TFRC: variants seen among roughly 807,000 people sequenced by gnomAD.
TFRC encodes the protein transferrin receptor protein 1.
TFRC carries 35 observed loss-of-function variants against 85.8 expected under a neutral mutation model. The observed-to-expected ratio is 0.41, with a 90% CI of 0.31 to 0.54. The LOEUF (loss-of-function observed/expected upper bound fraction) is 0.54. TFRC is among the 20% of genes least tolerant of loss of function. TFRC has a pLI of 0.31. For missense variants in TFRC, 828 were observed against 921.5 expected, an observed-to-expected ratio of 0.90 and a Z score of 1.31; for synonymous variants, 362 against 328.6, an observed-to-expected ratio of 1.10 and a Z score of -1.10.
intron 1 of TFRC, among the ~76,000 whole-genome samples, chr3:196,079,294 T>A (rs1225294580): frequency 6.6e-6 from 1 of 152,228 alleles, no homozygotes; most frequent in Non-Finnish European, 1.5e-5. Context: ...CAAGTTTTCT[T>A]GTTTTAAATT....
Position 196,065,463 on chromosome 3 carries a change from A to G in TFRC, c.1178T>C (p.Ile393Thr), listed in dbSNP as rs777481027. 2.0e-6 allele frequency: 3 copies of G among 1,495,500 alleles called. No homozygotes were observed. Among genetic ancestry groups the G allele is most frequent in the Middle Eastern group, 1.8e-4 (1 of 5,500 alleles). 92.6% of individuals were successfully genotyped at this position (1,495,500 alleles called of 1,614,324 possible). The change falls in exon 10 of 19, where the codon ATT becomes ACT. Residue 393 changes from isoleucine (I) to threonine (T), a missense_variant. Physicochemically the swap from Ile to Thr is moderately conservative, Grantham distance 89 (BLOSUM62 -1). Coordinates refer to ENST00000360110, the MANE Select transcript of TFRC (RefSeq NM_001128148.3). Reference sequence around the variant, plus strand: ...TTTACCTGGTTCTACAAAGCCTTTAATAACTCCAAAGATGTTAAGAATTTT... The same window carrying G: ...TTTACCTGGTTCTACAAAGCCTTTAGTAACTCCAAAGATGTTAAGAATTTT... Reference protein sequence around the residue: ...EIKILNIFGVIKGFVEPDHYV... With the variant: ...EIKILNIFGVTKGFVEPDHYV...
rs3804142 is a variant in TFRC at position 196,069,971 on chromosome 3, A to T, written c.688-403T>A. Among the ~76,000 whole-genome samples, 695 of 152,342 alleles carry T rather than the reference A, an allele frequency of 4.6e-3. 35 individuals are homozygous for T. In the East Asian group the frequency reaches 0.077, roughly 17 times the overall value. ...ATTAAAACACCATCTATTACAACAA[A>T]GTGACTTGCATACACCAACTTTAGA... On this transcript the variant is annotated intron_variant, in intron 6 of 18. Transcript: ENST00000360110.
chr3:196,067,425 T>C, intron 9 of TFRC, 93 bp downstream of exon 9: 1 of 1,366,370 alleles, frequency 7.3e-7, no homozygotes, highest in Non-Finnish European at 9.9e-7. Flanking sequence ...TGTGGAAAAT[T>C]ATCATCATGT....
In TFRC at chr3:196,081,566, GCCGCA is replaced by G. The variant is rs1172313082; in HGVS notation, c.-24+472_-24+476del. Among the ~76,000 whole-genome samples, 4 of 152,180 alleles carry G rather than the reference GCCGCA, an allele frequency of 2.6e-5. No homozygotes were observed. In the East Asian group the frequency reaches 7.7e-4, roughly 29 times the overall value. On this transcript the variant is annotated intron_variant, in intron 1 of 18. Coordinates refer to ENST00000360110, the MANE Select transcript of TFRC (RefSeq NM_001128148.3). The stretch of plus-strand genomic sequence containing the variant: ...TGGAGCAGCCACGTGTTCCCCCGGC[GCCGCA>G]CGCCGCGCAGCTGCACCTTGGCTGC...
At position 196,065,561 on chromosome 3, in the gene TFRC, G is replaced by C; in HGVS notation, c.1080C>G (p.Asp360Glu). 6.2e-7 allele frequency: 1 copy of C among 1,611,762 alleles called. No individual in the cohort carries two copies. The highest frequency in any genetic ancestry group is 8.5e-7 in the Non-Finnish European group (1 of 1,179,448). ...CTGAGGTTACCATCCTACATGTAGA[G>C]TCTGTTTTCCAGTCAGAGGGACAGT... Reference protein sequence around the residue: ...EGDCPSDWKTDSTCRMVTSES... With the variant: ...EGDCPSDWKTESTCRMVTSES... Residue 360 changes from aspartate (D) to glutamate (E), a missense_variant, in exon 10 of 19, where the codon GAC (aspartate) becomes GAG (glutamate). Coordinates refer to ENST00000360110, the MANE Select transcript of TFRC (RefSeq NM_001128148.3).
intron 16 of TFRC, among the ~76,000 whole-genome samples, chr3:196,056,145 T>C (rs1716775706): frequency 6.6e-6 from 1 of 152,170 alleles, no homozygotes; most frequent in Non-Finnish European, 1.5e-5. Context: ...GTGACCCCCC[T>C]GCCTCAGCCT....
chr3:196,060,734 C>T (rs905205411), intron 13 of TFRC: 3 of 129,058 alleles, frequency 2.3e-5, no homozygotes, highest in African/African-American at 8.7e-5. Context: ...GGAGGCGGAG[C>T]TTGCAGTGAG....
intron 10 of TFRC, among the ~76,000 whole-genome samples, chr3:196,065,129 G>A (rs1219012045): frequency 6.6e-6 from 1 of 152,032 alleles, no homozygotes; most frequent in African/African-American, 2.4e-5. Context: ...AGGCGTGGTG[G>A]CGCATGCCTG....
rs1242993988 is a variant in TFRC at position 196,062,627 on chromosome 3, G to A, written c.1423C>T (p.His475Tyr). 3.1e-6 allele frequency: 5 copies of A among 1,609,606 alleles called. No homozygotes were observed. Among genetic ancestry groups the A allele is most frequent in the Non-Finnish European group, 4.2e-6 (5 of 1,178,690 alleles). ...EWLEGYLSSL[H>Y]LKAFTYINLD... is the part of the protein sequence containing the mutation. ...TTAATATAAGTGAAAGCCTTTAAATGCAGGGACGAAAGGTATCCCTAGAAG... is the reference window on the plus strand; with the variant it reads ...TTAATATAAGTGAAAGCCTTTAAATACAGGGACGAAAGGTATCCCTAGAAG... Residue 475 changes from histidine to tyrosine, a missense_variant, in exon 13 of 19, where the codon CAT becomes TAT. Transcript: ENST00000360110.
chr3:196,060,162 A>T lies in TFRC; in HGVS notation c.1536+18T>A, dbSNP rs1717150155. ...CAAAAATTAAGTCATACATTTTTGT[A>T]ATGAGGTATATACTCACATTTTGCA... On this transcript the variant is annotated intron_variant, in intron 14 of 18. Transcript: ENST00000360110. 4 of 1,594,142 alleles carry T rather than the reference A, an allele frequency of 2.5e-6. No individual in the cohort carries two copies. In the East Asian group the frequency reaches 9.1e-5, roughly 36 times the overall value.
At position 196,072,028 on chromosome 3, in the gene TFRC, A is replaced by G; in HGVS notation, c.559T>C (p.Phe187Leu). The change falls in exon 5 of 19, where the codon TTT becomes CTT. Residue 187 changes from phenylalanine (F) to leucine (L), a missense_variant. Transcript: ENST00000360110. ...CTGTCTTTGACCTGAATCTTAACAA[A>G]ATGTTGATCACGCCAGACTTTGCTG... ...KLSKVWRDQH[F>L]VKIQVKDSAQ... 3.1e-6 allele frequency: 5 copies of G among 1,613,398 alleles called. No homozygotes were observed. Among genetic ancestry groups the G allele is most frequent in the Non-Finnish European group, 4.2e-6 (5 of 1,179,828 alleles).
intron 12 of TFRC, 69 bp downstream of exon 12, chr3:196,062,785 C>T (rs1717392087): frequency 6.3e-7 from 1 of 1,583,096 alleles, no homozygotes; most frequent in Non-Finnish European, 8.7e-7. Flanking sequence ...CCTATAAAAA[C>T]ATCACTTCTG....
At chr3:196,063,200 G>A (rs1717433490) in intron 11 of TFRC, 2 of 366,922 alleles carry the variant, frequency 5.5e-6, no homozygotes, top group Non-Finnish European at 1.0e-5. Flanking sequence ...AAGATTTTGA[G>A]TACATAGCAG....
intron 6 of TFRC, 133 bp downstream of exon 6, chr3:196,071,263 A>T: frequency 1.5e-6 from 1 of 683,408 alleles, no homozygotes; most frequent in Non-Finnish European, 2.5e-6. Flanking sequence ...CTGTGTCATT[A>T]GAGGGTTGAA....
chr3:196,073,809 A>G, intron 4 of TFRC, 121 bp downstream of exon 4: 1 of 1,067,300 alleles, frequency 9.4e-7, no homozygotes, highest in East Asian at 2.8e-5. Flanking sequence ...TTAGCTAAAC[A>G]TGACAAGTCT....
intron 16 of TFRC, among the ~76,000 whole-genome samples, chr3:196,056,184 C>G: frequency 7.4e-6 from 1 of 135,710 alleles, no homozygotes; most frequent in Admixed American, 7.2e-5. Flanking sequence ...CAGCTGGCCA[C>G]TGGGCCACTT....
At chr3:196,081,645 G>A (rs1384966486) in intron 1 of TFRC, among the ~76,000 whole-genome samples, 1 of 152,232 alleles carries the variant, frequency 6.6e-6, no homozygotes, top group East Asian at 1.9e-4. Flanking sequence ...TAGGGCCTGC[G>A]GCCTTCAAGG....
At chr3:196,071,335 A>G in intron 6 of TFRC, 61 bp downstream of exon 6, 1 of 1,469,694 alleles carries the variant, frequency 6.8e-7, no homozygotes, top group East Asian at 2.3e-5. Context: ...TAAGAACAGA[A>G]AAGATGAGTT....
Position 196,058,286 on chromosome 3 carries a change from C to G in TFRC, c.1675G>C (p.Glu559Gln). The G allele has an allele frequency of 6.2e-7, 1 of 1,613,438 alleles. No individual in the cohort carries two copies. The highest frequency in any genetic ancestry group is 8.5e-7 in the Non-Finnish European group (1 of 1,179,574). Residue 559 changes from glutamate (E) to glutamine (Q), a missense_variant and splice_region_variant, in exon 16 of 19, where the codon GAG (glutamate) becomes CAG (glutamine). Glu to Gln is a conservative substitution (Grantham distance 29). Transcript: ENST00000360110. Reference sequence around the variant, plus strand: ...GTCATTTAAATGAACAGACTTACCTCGCAAAAACAGAAAGAAACTGCTGGG... The same window carrying G: ...GTCATTTAAATGAACAGACTTACCTGGCAAAAACAGAAAGAAACTGCTGGG... Reference protein sequence around the residue: ...GIPAVSFCFCEDTDYPYLGTT... With the variant: ...GIPAVSFCFCQDTDYPYLGTT...
Sources: gnomAD v4.1 joint callset for allele counts (sites outside exome capture counted in the v4.1 genomes callset) on GRCh38, gnomAD v4.1.1 for gene constraint, MANE v1.5 for transcripts, NCBI Gene and HGNC (gene_info 2026-07-23, HGNC 2026-07-21) for gene names.